The following STK32A variants were observed in gnomAD, a reference collection of about 807,000 sequenced individuals.
The protein encoded by STK32A is serine/threonine kinase 32A, also known as serine/threonine-protein kinase 32A.
Under a neutral mutation model 53.2 loss-of-function variants are expected in STK32A, and 41 were observed. That is an observed-to-expected ratio of 0.77 (90% CI 0.60 to 1.00). STK32A has a LOEUF of 1.00. STK32A is among the 50% of genes least tolerant of loss of function. The pLI, the probability that STK32A is intolerant of heterozygous loss-of-function variation, is 0.00. For missense variants in STK32A, 458 were observed against 485.8 expected (o/e 0.94, Z 0.54); for synonymous variants, 166 against 162.8 (o/e 1.02, Z -0.15).
intron 4 of STK32A, among the ~76,000 whole-genome samples, chr5:147,312,256 T>C (rs116969025): frequency 0.074 from 11,205 of 152,206 alleles, 773 homozygotes; most frequent in East Asian, 0.21. Flanking sequence ...CCTGCCACCA[T>C]GCCCAGCTAA....
intron 7 of STK32A, among the ~76,000 whole-genome samples, chr5:147,356,550 G>A (rs1756258770): frequency 6.6e-6 from 1 of 152,094 alleles, no homozygotes; most frequent in Non-Finnish European, 1.5e-5. Flanking sequence ...CTGCAGTACT[G>A]TCCCTTTGTT....
chr5:147,315,096 G>A (rs1185495982), intron 4 of STK32A, among the ~76,000 whole-genome samples: 2 of 152,140 alleles, frequency 1.3e-5, no homozygotes, highest in African/African-American at 2.4e-5. Flanking sequence ...AGGATGTAGA[G>A]AAACTGGAGC....
At chr5:147,365,389 C>T (rs1197172626) in intron 8 of STK32A, among the ~76,000 whole-genome samples, 5 of 152,078 alleles carry the variant, frequency 3.3e-5, no homozygotes, top group Non-Finnish European at 5.9e-5. Flanking sequence ...TAAGTATATT[C>T]AAATTTGGAT....
At chr5:147,361,683 T>A in intron 8 of STK32A, 69 bp downstream of exon 8, 8 of 935,886 alleles carry the variant, frequency 8.5e-6, no homozygotes, top group Non-Finnish European at 1.2e-5. Flanking sequence ...AAGAATGTAT[T>A]GTTTGCTAAG....
Position 147,348,750 on chromosome 5 carries a change from A to G in STK32A, c.473-2315A>G. On this transcript the variant is annotated intron_variant, in intron 6 of 12. Transcript: ENST00000397936. ...TTGGAGTTTCAGGAGACCGAAGCCC[A>G]GGCACATGTATTTTGCAAAACTACA... 2.6e-6 allele frequency: 2 copies of G among 766,752 alleles called. 1 individual carries two copies. Among genetic ancestry groups the G allele is most frequent in the South Asian group, 2.8e-5 (2 of 71,518 alleles). The allele number at this position is 766,752 out of a possible 1,614,324, so 47.5% of individuals were successfully genotyped here.
chr5:147,337,885 C>T, intron 5 of STK32A, among the ~76,000 whole-genome samples: 1 of 151,982 alleles, frequency 6.6e-6, no homozygotes, highest in African/African-American at 2.4e-5. Flanking sequence ...AAATGCTAGT[C>T]AGGGGCTAGG....
chr5:147,363,639 A>G (rs1178907723), intron 8 of STK32A, among the ~76,000 whole-genome samples: 1 of 152,228 alleles, frequency 6.6e-6, no homozygotes, highest in East Asian at 1.9e-4. Flanking sequence ...GTAAAATCCA[A>G]GAAGTCTGAC....
chr5:147,343,193 A>G (rs749289602), intron 6 of STK32A, 150 bp downstream of exon 6: 1 of 836,494 alleles, frequency 1.2e-6, no homozygotes, highest in African/African-American at 1.7e-5. Flanking sequence ...ATATGGGGGA[A>G]CTTTATTACT....
intron 2 of STK32A, among the ~76,000 whole-genome samples, chr5:147,245,034 T>A (rs1753722651): frequency 6.6e-6 from 1 of 152,214 alleles, no homozygotes; most frequent in Non-Finnish European, 1.5e-5. Context: ...TTGACTGGAT[T>A]AACAGAACGG....
intron 2 of STK32A, among the ~76,000 whole-genome samples, chr5:147,263,929 G>A (rs1356388206): frequency 1.3e-5 from 2 of 152,220 alleles, no homozygotes; most frequent in East Asian, 3.9e-4. Context: ...TATGAGACTA[G>A]AAGTTTCTAG....
chr5:147,363,963 C>T (rs1756630223), intron 8 of STK32A, among the ~76,000 whole-genome samples: 1 of 152,128 alleles, frequency 6.6e-6, no homozygotes, highest in Non-Finnish European at 1.5e-5. Context: ...TGCCTATAAT[C>T]CCAGCACTTT....
Position 147,293,514 on chromosome 5 carries a change from T to A in STK32A, c.260+14116T>A, listed in dbSNP as rs569364231. 1.1e-4 allele frequency among the ~76,000 whole-genome samples: 16 copies of A among 143,204 alleles called. No individual in the cohort carries two copies. The East Asian group carries it at 3.0e-3, about 27-fold the overall frequency. 93.9% of individuals were successfully genotyped at this position (143,204 alleles called of 152,430 possible). The stretch of plus-strand genomic sequence containing the variant: ...AAAAAAAAAAAAAAAAGGACTAAAT[T>A]TTAATTTGAAATATGATTTTGGAAA... On this transcript the variant is annotated intron_variant, in intron 4 of 12. Transcript: ENST00000397936.
At chr5:147,322,169 A>G (rs929968101) in intron 4 of STK32A, among the ~76,000 whole-genome samples, 4 of 152,228 alleles carry the variant, frequency 2.6e-5, no homozygotes, top group Non-Finnish European at 5.9e-5. Context: ...CCAATGGCAG[A>G]GATGACCAGC....
At chr5:147,293,474 C>T (rs1413239404) in intron 4 of STK32A, among the ~76,000 whole-genome samples, 24 of 65,414 alleles carry the variant, frequency 3.7e-4, no homozygotes, top group South Asian at 8.3e-4. Flanking sequence ...AAAGTTATTT[C>T]GAGGTAAAAA....
chr5:147,288,636 G>A (rs915987735), intron 4 of STK32A, among the ~76,000 whole-genome samples: 8 of 152,056 alleles, frequency 5.3e-5, no homozygotes, highest in Admixed American at 3.3e-4. Flanking sequence ...GAGAGAGGAG[G>A]AGAGAGTCAC....
intron 2 of STK32A, among the ~76,000 whole-genome samples, chr5:147,254,882 G>A (rs536245882): frequency 6.6e-6 from 1 of 152,264 alleles, no homozygotes; most frequent in Admixed American, 6.5e-5. Context: ...GCTCACGCCT[G>A]TAATCCCAGC....
chr5:147,339,966 C>A (rs1755324424), intron 5 of STK32A, among the ~76,000 whole-genome samples: 1 of 152,206 alleles, frequency 6.6e-6, no homozygotes, highest in Admixed American at 6.5e-5. Flanking sequence ...TGAGTTATTG[C>A]TGAAATGAGT....
At chr5:147,260,295 G>GTCTCTCTCTCTCTCTCTCTCTC (rs71001423) in intron 2 of STK32A, among the ~76,000 whole-genome samples, 2 of 117,396 alleles carry the variant, frequency 1.7e-5, no homozygotes, top group African/African-American at 6.5e-5. Flanking sequence ...TCTCTCGCCT[G>GTCTCTCTCTCTCTCTCTCTCTC]TCTCTCTCTC....
At chr5:147,255,567 T>G (rs1038555418) in intron 2 of STK32A, among the ~76,000 whole-genome samples, 2 of 152,234 alleles carry the variant, frequency 1.3e-5, no homozygotes, top group African/African-American at 4.8e-5. Context: ...GATAGAGCAG[T>G]CAGACCATGC....
Sources: gnomAD v4.1 joint callset for allele counts (sites outside exome capture counted in the v4.1 genomes callset) on GRCh38, gnomAD v4.1.1 for gene constraint, MANE v1.5 for transcripts, NCBI Gene and HGNC (gene_info 2026-07-23, HGNC 2026-07-21) for gene names.